UNC5D: variants seen among roughly 807,000 people sequenced by gnomAD.
UNC5D encodes the protein unc-5 netrin receptor D.
Under a neutral mutation model 105.4 loss-of-function variants are expected in UNC5D, and 39 were observed. The ratio of observed to expected loss-of-function variants is 0.37; its 90% CI spans 0.29 to 0.48. UNC5D has a LOEUF of 0.48. Among genes scored for constraint, UNC5D ranks in the 20% least tolerant of loss-of-function variants. UNC5D has a pLI of 0.98. For synonymous variants in UNC5D, 452 were observed against 450.4 expected, an observed-to-expected ratio of 1.00 and a Z score of -0.04; for missense variants, 991 against 1,202.4, an observed-to-expected ratio of 0.82 and a Z score of 2.60.
chr8:35,589,629 A>G (rs1237802266), intron 3 of UNC5D, among the ~76,000 whole-genome samples: 2 of 152,090 alleles, frequency 1.3e-5, no homozygotes, highest in African/African-American at 2.4e-5. Context: ...CACCAAAACT[A>G]CTTCTCTTTG....
chr8:35,259,818 C>T (rs750380656), intron 1 of UNC5D, among the ~76,000 whole-genome samples: 8 of 149,696 alleles, frequency 5.3e-5, no homozygotes, highest in African/African-American at 1.2e-4. Flanking sequence ...TGTATGTGGA[C>T]GCTGGTAAAA....
chr8:35,341,277 AT>A (rs1410500726), intron 1 of UNC5D, among the ~76,000 whole-genome samples: 1 of 152,068 alleles, frequency 6.6e-6, no homozygotes, highest in East Asian at 1.9e-4. Flanking sequence ...CATTTTTGAT[AT>A]CTATGGGGAA....
At chr8:35,725,586 G>T (rs1025575720) in intron 9 of UNC5D, among the ~76,000 whole-genome samples, 2 of 151,978 alleles carry the variant, frequency 1.3e-5, no homozygotes, top group Non-Finnish European at 2.9e-5. Context: ...TTCATGAGGT[G>T]CCCTGACCCT....
intron 1 of UNC5D, among the ~76,000 whole-genome samples, chr8:35,249,559 A>AAAT (rs148177480): frequency 0.041 from 5,817 of 142,524 alleles, 168 homozygotes; most frequent in African/African-American, 0.077. Flanking sequence ...CTCTGTCTCA[A>AAAT]AATAATAATA....
chr8:35,482,590 C>G (rs1243332906), intron 1 of UNC5D, among the ~76,000 whole-genome samples: 3 of 151,988 alleles, frequency 2.0e-5, no homozygotes, highest in African/African-American at 7.3e-5. Flanking sequence ...CTAAATGAGG[C>G]CTGTTAATAA....
chr8:35,729,821 C>T (rs1317175223), intron 10 of UNC5D, among the ~76,000 whole-genome samples: 1 of 152,164 alleles, frequency 6.6e-6, no homozygotes, highest in African/African-American at 2.4e-5. Context: ...CAAGCTGTAA[C>T]CAAGATTTAA....
At chr8:35,711,820 T>C (rs1195295291) in intron 8 of UNC5D, among the ~76,000 whole-genome samples, 3 of 152,220 alleles carry the variant, frequency 2.0e-5, no homozygotes, top group African/African-American at 7.2e-5. Flanking sequence ...CTGGTCTGGA[T>C]TCCCTATCTG....
At chr8:35,284,259 G>A (rs1383198690) in intron 1 of UNC5D, among the ~76,000 whole-genome samples, 1 of 152,154 alleles carries the variant, frequency 6.6e-6, no homozygotes, top group Non-Finnish European at 1.5e-5. Context: ...AATAGCAAGT[G>A]TTTATTTCTT....
chr8:35,782,171 C>G (rs1802531024), intron 16 of UNC5D, among the ~76,000 whole-genome samples: 1 of 152,108 alleles, frequency 6.6e-6, no homozygotes, highest in South Asian at 2.1e-4. Context: ...TTGTTGACTA[C>G]CCAGTGAAAT....
intron 1 of UNC5D, among the ~76,000 whole-genome samples, chr8:35,414,754 C>A (rs1278730865): frequency 1.3e-5 from 2 of 152,146 alleles, no homozygotes; most frequent in East Asian, 3.9e-4. Flanking sequence ...GAAATTCTCT[C>A]ATCAGTCACA....
At chr8:35,514,281 A>C (rs969290937) in intron 1 of UNC5D, among the ~76,000 whole-genome samples, 7 of 152,176 alleles carry the variant, frequency 4.6e-5, no homozygotes, top group Admixed American at 2.0e-4. Context: ...ACTTGCTGCA[A>C]ACCCTGTCAG....
At chr8:35,376,890 G>A (rs1210920730) in intron 1 of UNC5D, among the ~76,000 whole-genome samples, 1 of 152,052 alleles carries the variant, frequency 6.6e-6, no homozygotes, top group African/African-American at 2.4e-5. Context: ...ATCCTCTAAG[G>A]ACCAGCAAAA....
chr8:35,666,165 A>AT lies in UNC5D; in HGVS notation c.571-17372dup, dbSNP rs908172356. 5.3e-4 allele frequency among the ~76,000 whole-genome samples: 79 copies of AT among 149,652 alleles called. No individual in the cohort carries two copies. In the East Asian group the frequency reaches 0.01, roughly 19 times the overall value. Reference sequence around the variant, plus strand: ...GGAATGAGGGTTGCATGGGAATTTAATTTTTTTTTTGTAAATGTATGCCTA... The same window carrying AT: ...GGAATGAGGGTTGCATGGGAATTTAATTTTTTTTTTTGTAAATGTATGCCTA... On this transcript the variant is annotated intron_variant, in intron 4 of 16. Coordinates refer to ENST00000404895, the MANE Select transcript of UNC5D (RefSeq NM_080872.4).
chr8:35,688,146 A>G (rs919385727), intron 7 of UNC5D, among the ~76,000 whole-genome samples: 2 of 144,684 alleles, frequency 1.4e-5, no homozygotes, highest in Non-Finnish European at 2.9e-5. Flanking sequence ...ACAAAAAAAA[A>G]CAAAACAACA....
intron 1 of UNC5D, among the ~76,000 whole-genome samples, chr8:35,349,100 T>C (rs1053498313): frequency 5.9e-5 from 9 of 152,068 alleles, no homozygotes; most frequent in African/African-American, 1.7e-4. Context: ...TACTGTGTGA[T>C]ATATTGTTTG....
At chr8:35,688,289 C>T (rs775657115) in intron 7 of UNC5D, among the ~76,000 whole-genome samples, 1 of 151,200 alleles carries the variant, frequency 6.6e-6, no homozygotes, top group Non-Finnish European at 1.5e-5. Context: ...GTGATTTTCT[C>T]AGGGAGATGC....
At position 35,796,429 on chromosome 8, in the gene UNC5D, CAAAAAAAAAA is replaced by C. The variant is rs1160651781; in HGVS notation, c.*5880_*5889del. ...GTTTGGATGTTTTATGTCGAGTTTG[CAAAAAAAAAA>C]AAAAAAAAAAAAACTGGATGGTTGC... On this transcript the variant is annotated 3_prime_UTR_variant, in exon 17 of 17. Coordinates refer to ENST00000404895, the MANE Select transcript of UNC5D (RefSeq NM_080872.4). The C allele has an allele frequency of 3.2e-5, 2 of 61,788 alleles. No homozygotes were observed. The highest frequency in any genetic ancestry group is 6.8e-5 in the Non-Finnish European group (2 of 29,282). 3.8% of individuals were successfully genotyped at this position (61,788 alleles called of 1,614,324 possible).
intron 14 of UNC5D, among the ~76,000 whole-genome samples, chr8:35,763,446 CTT>C (rs201449850): frequency 0.044 from 5,501 of 124,628 alleles, 254 homozygotes; most frequent in East Asian, 0.16. Flanking sequence ...TGGTCAGTGC[CTT>C]TTTTTTTTTT....
intron 1 of UNC5D, among the ~76,000 whole-genome samples, chr8:35,528,494 C>A (rs1308045037): frequency 6.8e-6 from 1 of 146,246 alleles, no homozygotes; most frequent in African/African-American, 2.5e-5. Context: ...GTGAATAATG[C>A]CGCAATAAAC....
Sources: allele counts gnomAD v4.1 joint callset (sites outside exome capture counted in the v4.1 genomes callset), GRCh38; gene constraint gnomAD v4.1.1; transcripts MANE v1.5; gene names NCBI Gene and HGNC (gene_info 2026-07-23, HGNC 2026-07-21).